Variants in RNGTT observed in about 807,000 individuals in gnomAD.
RNGTT encodes the protein RNA guanylyltransferase and 5'-phosphatase.
RNGTT carries 33 observed loss-of-function variants against 79.3 expected under a neutral mutation model. The ratio of observed to expected loss-of-function variants is 0.42; its 90% CI spans 0.32 to 0.56. RNGTT has a LOEUF of 0.56. RNGTT is among the 20% of genes least tolerant of loss of function. The pLI, the probability that RNGTT is intolerant of heterozygous loss-of-function variation, is 0.17. For synonymous variants in RNGTT, 222 were observed against 235.9 expected (o/e 0.94, Z 0.54); for missense variants, 497 against 739.1 (o/e 0.67, Z 3.80).
intron 13 of RNGTT, among the ~76,000 whole-genome samples, chr6:88,725,347 G>T (rs934273176): frequency 2.0e-5 from 3 of 152,064 alleles, no homozygotes; most frequent in Non-Finnish European, 2.9e-5. Flanking sequence ...TACAGACCAA[G>T]GAAGGATGTT....
chr6:88,625,625 G>C (rs755923077), intron 14 of RNGTT, among the ~76,000 whole-genome samples: 4 of 151,790 alleles, frequency 2.6e-5, no homozygotes, highest in Non-Finnish European at 5.9e-5. Context: ...TAATGGCGGT[G>C]GTGGGGGCTG....
chr6:88,714,190 C>T (rs1776420089), intron 13 of RNGTT: 1 of 152,090 alleles, frequency 6.6e-6, no homozygotes, highest in African/African-American at 2.4e-5. Context: ...GAAAGTGTTC[C>T]ATGAAATTAT....
intron 11 of RNGTT, among the ~76,000 whole-genome samples, chr6:88,822,311 C>T (rs1302168932): frequency 1.3e-5 from 2 of 152,026 alleles, no homozygotes; most frequent in Non-Finnish European, 2.9e-5. Flanking sequence ...ACGTAGAAAA[C>T]AAAATTTAAA....
At chr6:88,674,834 T>C (rs535291795) in intron 14 of RNGTT, among the ~76,000 whole-genome samples, 8 of 152,182 alleles carry the variant, frequency 5.3e-5, no homozygotes, top group African/African-American at 1.7e-4. Context: ...CAGTGGCTCA[T>C]GCCTGTAATC....
intron 12 of RNGTT, among the ~76,000 whole-genome samples, chr6:88,773,351 G>C (rs1389580880): frequency 2.7e-5 from 4 of 145,890 alleles, no homozygotes; most frequent in Non-Finnish European, 4.6e-5. Flanking sequence ...GGATAGCATC[G>C]GGAGATATAC....
intron 13 of RNGTT, among the ~76,000 whole-genome samples, chr6:88,688,541 C>T (rs1303865609): frequency 2.6e-5 from 4 of 151,706 alleles, no homozygotes; most frequent in Non-Finnish European, 4.4e-5. Flanking sequence ...ATTCCTGGGC[C>T]GAGGAAAGAA....
At chr6:88,735,677 GCAGT>G (rs1777263038) in intron 13 of RNGTT, among the ~76,000 whole-genome samples, 1 of 151,886 alleles carries the variant, frequency 6.6e-6, no homozygotes. Context: ...TTTGTGGGAT[GCAGT>G]CAAAGCAGTG....
At chr6:88,815,508 G>A (rs1780286547) in intron 11 of RNGTT, among the ~76,000 whole-genome samples, 1 of 152,182 alleles carries the variant, frequency 6.6e-6, no homozygotes, top group Non-Finnish European at 1.5e-5. Context: ...GAGGCCCTAG[G>A]GACCCCCAAA....
intron 14 of RNGTT, among the ~76,000 whole-genome samples, chr6:88,644,700 A>C (rs1027624764): frequency 3.3e-5 from 5 of 152,238 alleles, no homozygotes; most frequent in Non-Finnish European, 7.3e-5. Flanking sequence ...GGTTCAACAT[A>C]CGCTAATCAA....
At chr6:88,886,364 A>T (rs898128435) in intron 8 of RNGTT, among the ~76,000 whole-genome samples, 1 of 152,204 alleles carries the variant, frequency 6.6e-6, no homozygotes, top group Non-Finnish European at 1.5e-5. Context: ...GAAACACGTG[A>T]TCCTGGACTG....
chr6:88,752,796 C>A (rs1195638153), intron 13 of RNGTT, among the ~76,000 whole-genome samples: 1 of 152,020 alleles, frequency 6.6e-6, no homozygotes, highest in Non-Finnish European at 1.5e-5. Context: ...GGGATGGACA[C>A]CCCATTCTCC....
At chr6:88,698,224 T>TATATATGAAATATATATAGC (rs1415791794) in intron 13 of RNGTT, among the ~76,000 whole-genome samples, 1 of 77,578 alleles carries the variant, frequency 1.3e-5, no homozygotes, top group African/African-American at 1.7e-4. Context: ...ATATATATCA[T>TATATATGAAATATATATAGC]ATATATATGA....
At chr6:88,825,178 A>G (rs867716581) in intron 11 of RNGTT, among the ~76,000 whole-genome samples, 22 of 152,146 alleles carry the variant, frequency 1.4e-4, no homozygotes, top group Admixed American at 4.6e-4. Flanking sequence ...CATACACTGA[A>G]GGGTACACTG....
chr6:88,817,444 C>A (rs1340094632), intron 11 of RNGTT, among the ~76,000 whole-genome samples: 1 of 140,696 alleles, frequency 7.1e-6, no homozygotes, highest in Non-Finnish European at 1.5e-5. Context: ...GAATTTAAGA[C>A]CAGCCTGGGC....
intron 13 of RNGTT, among the ~76,000 whole-genome samples, chr6:88,758,255 A>G (rs1178896565): frequency 6.6e-6 from 1 of 152,200 alleles, no homozygotes; most frequent in African/African-American, 2.4e-5. Context: ...TTGATAAGAA[A>G]TTACCAAAAT....
intron 6 of RNGTT, among the ~76,000 whole-genome samples, chr6:88,894,994 G>C (rs1480425851): frequency 6.6e-6 from 1 of 152,072 alleles, no homozygotes; most frequent in East Asian, 1.9e-4. Flanking sequence ...TACTATAATT[G>C]AGTATTAAAG....
chr6:88,739,967 A>T (rs1441819001), intron 13 of RNGTT, among the ~76,000 whole-genome samples: 8 of 151,822 alleles, frequency 5.3e-5, no homozygotes, highest in Non-Finnish European at 1.2e-4. Context: ...ATCTTAGAGG[A>T]ATCAATAAAA....
chr6:88,778,087 A>G (rs1316172241), intron 12 of RNGTT, among the ~76,000 whole-genome samples: 1 of 152,214 alleles, frequency 6.6e-6, no homozygotes, highest in Admixed American at 6.5e-5. Flanking sequence ...GTGGTATATC[A>G]TATTGATTGA....
At chr6:88,838,657 T>C (rs1341878419) in intron 11 of RNGTT, among the ~76,000 whole-genome samples, 6 of 152,116 alleles carry the variant, frequency 3.9e-5, no homozygotes, top group Admixed American at 3.9e-4. Flanking sequence ...ACTAGAAAAC[T>C]TGGCATTGTT....
Sources: gnomAD v4.1 joint callset for allele counts (sites outside exome capture counted in the v4.1 genomes callset) on GRCh38, gnomAD v4.1.1 for gene constraint, MANE v1.5 for transcripts, NCBI Gene and HGNC (gene_info 2026-07-23, HGNC 2026-07-21) for gene names.